SPIRE1: variants seen among roughly 807,000 people sequenced by gnomAD.
SPIRE1 encodes the protein spire type actin nucleation factor 1, also known as protein spire homolog 1.
A neutral mutation model predicts 94.1 loss-of-function variants in SPIRE1; 40 were observed. The observed-to-expected ratio is 0.43, with a 90% CI of 0.33 to 0.55. The LOEUF (loss-of-function observed/expected upper bound fraction) is 0.55, where lower values mean the gene tolerates loss of function less well. Ranked by LOEUF, SPIRE1 falls within the 20% of genes least tolerant of loss-of-function variation. The pLI, the probability that SPIRE1 is intolerant of heterozygous loss-of-function variation, is 0.06. For missense variants in SPIRE1, 838 were observed against 975.2 expected, an observed-to-expected ratio of 0.86 and a Z score of 1.87; for synonymous variants, 376 against 371.7, an observed-to-expected ratio of 1.01 and a Z score of -0.13.
At chr18:12,465,103 A>G (rs2032037156) in intron 10 of SPIRE1, 145 bp from the exon 11 acceptor site, 1 of 671,026 alleles carries the variant, frequency 1.5e-6, no homozygotes, top group Non-Finnish European at 2.6e-6. Context: ...ACAAACTAGA[A>G]GGGGTTTCAA....
intron 6 of SPIRE1, among the ~76,000 whole-genome samples, chr18:12,503,902 T>C (rs555058412): frequency 6.8e-6 from 1 of 147,336 alleles, no homozygotes; most frequent in Non-Finnish European, 1.5e-5. Flanking sequence ...TGTGCAAGGA[T>C]GTGAAGCAAT....
At chr18:12,516,472 G>A (rs140404590) in intron 4 of SPIRE1, among the ~76,000 whole-genome samples, 56 of 152,276 alleles carry the variant, frequency 3.7e-4, no homozygotes, top group African/African-American at 1.3e-3. Context: ...GGGTTGGAGA[G>A]GAAAGGGAGG....
intron 1 of SPIRE1, among the ~76,000 whole-genome samples, chr18:12,645,937 A>C (rs1412261434): frequency 6.6e-6 from 1 of 152,182 alleles, no homozygotes; most frequent in Non-Finnish European, 1.5e-5. Flanking sequence ...ACTACAAAGA[A>C]GACAAACAGG....
intron 2 of SPIRE1, among the ~76,000 whole-genome samples, chr18:12,571,140 C>T (rs2035950612): frequency 6.6e-6 from 1 of 152,050 alleles, no homozygotes; most frequent in Non-Finnish European, 1.5e-5. Context: ...AGTTGCACAA[C>T]CTCTGCTCAC....
intron 2 of SPIRE1, among the ~76,000 whole-genome samples, chr18:12,599,591 T>C (rs532640832): frequency 3.9e-5 from 6 of 152,228 alleles, no homozygotes; most frequent in Non-Finnish European, 5.9e-5. Flanking sequence ...AAAACAGTTC[T>C]TCAGCCTTTG....
At chr18:12,545,198 A>G (rs1567922636) in intron 3 of SPIRE1, among the ~76,000 whole-genome samples, 2 of 152,244 alleles carry the variant, frequency 1.3e-5, no homozygotes, top group African/African-American at 4.8e-5. Context: ...TCTAGAAAAC[A>G]TAACATAAAT....
At chr18:12,498,647 G>A (rs554349085) in intron 6 of SPIRE1, among the ~76,000 whole-genome samples, 3 of 152,028 alleles carry the variant, frequency 2.0e-5, no homozygotes, top group South Asian at 2.1e-4. Context: ...CTTTTTTTGC[G>A]ACACGGGCTT....
At chr18:12,468,609 G>A (rs1218329374) in intron 10 of SPIRE1, among the ~76,000 whole-genome samples, 1 of 152,156 alleles carries the variant, frequency 6.6e-6, no homozygotes, top group Non-Finnish European at 1.5e-5. Context: ...TAATCGAGAG[G>A]CTTCACTATG....
At chr18:12,641,331 A>G (rs2038077551) in intron 1 of SPIRE1, among the ~76,000 whole-genome samples, 1 of 152,080 alleles carries the variant, frequency 6.6e-6, no homozygotes, top group Admixed American at 6.6e-5. Context: ...ATTTAGCAAT[A>G]AAAAAATTTC....
intron 4 of SPIRE1, chr18:12,515,979 CT>C (rs916909298): frequency 1.3e-5 from 2 of 152,098 alleles, no homozygotes; most frequent in Non-Finnish European, 2.9e-5. Flanking sequence ...AATTTTACCC[CT>C]AGGAGTCTCC....
At chr18:12,564,925 A>C (rs775723870) in intron 2 of SPIRE1, among the ~76,000 whole-genome samples, 12 of 152,198 alleles carry the variant, frequency 7.9e-5, no homozygotes, top group Non-Finnish European at 1.3e-4. Flanking sequence ...GGACTGTGGG[A>C]CAACTATTAT....
intron 12 of SPIRE1, among the ~76,000 whole-genome samples, chr18:12,455,104 T>G (rs1034004385): frequency 6.6e-6 from 1 of 151,784 alleles, no homozygotes; most frequent in Non-Finnish European, 1.5e-5. Flanking sequence ...CCCAGCTAAT[T>G]TTTTTGTATT....
intron 12 of SPIRE1, among the ~76,000 whole-genome samples, chr18:12,460,810 A>G (rs982675482): frequency 6.6e-6 from 1 of 152,190 alleles, no homozygotes; most frequent in African/African-American, 2.4e-5. Flanking sequence ...AAATGCAGCT[A>G]CATTTAAAAA....
chr18:12,658,212 A>C, upstream of SPIRE1: 1 of 584,736 alleles, frequency 1.7e-6, no homozygotes, highest in Non-Finnish European at 2.8e-6. Flanking sequence ...GGAGGTGAGG[A>C]CCAGGCAGGA....
At position 12,446,946 on chromosome 18, in the gene SPIRE1, C is replaced by T. The variant is rs947696526; in HGVS notation, c.*2692G>A. On this transcript the variant is annotated 3_prime_UTR_variant, in exon 17 of 17. Transcript: ENST00000409402. ...AAATCTAGTAAGATTGTTAAATCAA[C>T]GTACGTCAATCATTCATTTTCACTT... 6.6e-6 allele frequency: 1 copy of T among 152,182 alleles called. No individual in the cohort carries two copies. Among genetic ancestry groups the T allele is most frequent in the Non-Finnish European group, 1.5e-5 (1 of 68,036 alleles). 9.4% of individuals were successfully genotyped at this position (152,182 alleles called of 1,614,324 possible).
intron 10 of SPIRE1, 54 bp from the exon 11 acceptor site, chr18:12,465,012 C>T: frequency 1.4e-6 from 2 of 1,442,664 alleles, no homozygotes; most frequent in Non-Finnish European, 9.7e-7. Flanking sequence ...TGCTCTAGTG[C>T]TACGTAATAA....
chr18:12,554,360 T>C (rs1482607672), intron 2 of SPIRE1, among the ~76,000 whole-genome samples: 1 of 149,492 alleles, frequency 6.7e-6, no homozygotes, highest in African/African-American at 2.5e-5. Context: ...GTGTCTACTA[T>C]GAACAACTAC....
At chr18:12,514,284 G>A (rs1352479721) in intron 4 of SPIRE1, among the ~76,000 whole-genome samples, 4 of 151,994 alleles carry the variant, frequency 2.6e-5, no homozygotes, top group Admixed American at 6.6e-5. Context: ...CCTTCTCAAC[G>A]GGGTCTATCT....
intron 8 of SPIRE1, 122 bp downstream of exon 8, chr18:12,492,950 G>T: frequency 1.7e-6 from 2 of 1,148,248 alleles, no homozygotes; most frequent in Non-Finnish European, 1.2e-6. Flanking sequence ...GGGAGAACAA[G>T]TGAGTGAGAT....
Sources: allele counts gnomAD v4.1 joint callset (sites outside exome capture counted in the v4.1 genomes callset), GRCh38; gene constraint gnomAD v4.1.1; transcripts MANE v1.5; gene names NCBI Gene and HGNC (gene_info 2026-07-23, HGNC 2026-07-21).